STK32A: variants seen among roughly 807,000 people sequenced by gnomAD.
STK32A encodes serine/threonine-protein kinase 32A.
Under a neutral mutation model 53.2 loss-of-function variants are expected in STK32A, and 41 were observed. The observed-to-expected ratio is 0.77, with a 90% CI of 0.60 to 1.00. STK32A has a LOEUF of 1.00. Ranked by LOEUF, STK32A falls within the 50% of genes least tolerant of loss-of-function variation. The pLI is 0.00. For missense variants in STK32A, 458 were observed against 485.8 expected (o/e 0.94, Z 0.54); for synonymous variants, 166 against 162.8 (o/e 1.02, Z -0.15).
At chr5:147,291,270 C>G (rs1397386400) in intron 4 of STK32A, among the ~76,000 whole-genome samples, 5 of 152,060 alleles carry the variant, frequency 3.3e-5, no homozygotes, top group Admixed American at 3.3e-4. Context: ...GAACTTAGTC[C>G]TGCATTGCTA....
chr5:147,375,795 C>A (rs1447124766), intron 11 of STK32A: 2 of 152,212 alleles, frequency 1.3e-5, no homozygotes, highest in East Asian at 3.9e-4. Flanking sequence ...GTATATTATT[C>A]TCTGTCAGAG....
At chr5:147,375,316 T>C (rs1388980921) in intron 11 of STK32A, 98 bp downstream of exon 11, 10 of 1,448,434 alleles carry the variant, frequency 6.9e-6, no homozygotes, top group Non-Finnish European at 9.2e-6. Context: ...AGCTTCCTGC[T>C]TTTGCTGCTT....
At chr5:147,279,510 C>A in intron 4 of STK32A, 112 bp downstream of exon 4, 1 of 908,172 alleles carries the variant, frequency 1.1e-6, no homozygotes, top group Admixed American at 3.0e-5. Context: ...AGGCTCTTGA[C>A]ACAATTGCAA....
the STK32A span, chr5:147,397,899 T>A: frequency 7.1e-6 from 6 of 846,452 alleles, no homozygotes; most frequent in Non-Finnish European, 9.9e-6. Context: ...AAGAGGAACG[T>A]ACCTTCTCTC....
chr5:147,391,506 A>C (rs1353013153), downstream of STK32A: 1 of 152,538 alleles, frequency 6.6e-6, no homozygotes, highest in African/African-American at 2.4e-5. Context: ...GGGCAGGCCA[A>C]GGGATGAGAT....
At chr5:147,238,177 C>T (rs1753407502) in intron 1 of STK32A, among the ~76,000 whole-genome samples, 1 of 152,194 alleles carries the variant, frequency 6.6e-6, no homozygotes, top group Non-Finnish European at 1.5e-5. Context: ...AAATCTAGAC[C>T]TTTACCCCAT....
intron 4 of STK32A, 120 bp downstream of exon 4, chr5:147,279,518 C>A: frequency 2.4e-6 from 2 of 830,162 alleles, no homozygotes; most frequent in Non-Finnish European, 3.6e-6. Context: ...GACACAATTG[C>A]AAGAAAGAGT....
intron 7 of STK32A, among the ~76,000 whole-genome samples, chr5:147,359,580 T>C (rs964943644): frequency 1.9e-4 from 29 of 152,286 alleles, no homozygotes; most frequent in African/African-American, 6.7e-4. Flanking sequence ...AAGTTCTTTG[T>C]AGCTTCTCTG....
chr5:147,362,501 C>T (rs1444254501), intron 8 of STK32A, among the ~76,000 whole-genome samples: 2 of 152,196 alleles, frequency 1.3e-5, no homozygotes, highest in African/African-American at 2.4e-5. Context: ...TCAGAGGCTC[C>T]ATTTCCAAAT....
intron 2 of STK32A, among the ~76,000 whole-genome samples, chr5:147,269,869 C>A (rs183445619): frequency 6.6e-6 from 1 of 152,294 alleles, no homozygotes; most frequent in East Asian, 1.9e-4. Context: ...ACTCAATAAT[C>A]ACTATGGCGT....
chr5:147,310,159 T>C (rs1288780620), intron 4 of STK32A, among the ~76,000 whole-genome samples: 5 of 152,192 alleles, frequency 3.3e-5, no homozygotes, highest in African/African-American at 4.8e-5. Flanking sequence ...TAGAGAATAG[T>C]AGAGCCCCTG....
At chr5:147,394,121 T>C in the STK32A span, 17 of 1,613,374 alleles carry the variant, frequency 1.1e-5, 1 homozygote, top group East Asian at 3.8e-4. Flanking sequence ...TCCACTTGGG[T>C]GCCTACAGTT....
chr5:147,238,341 T>A (rs1753413868), intron 1 of STK32A, among the ~76,000 whole-genome samples: 1 of 152,170 alleles, frequency 6.6e-6, no homozygotes, highest in Admixed American at 6.5e-5. Flanking sequence ...CTCATTTGCA[T>A]CATCTGCCTG....
intron 5 of STK32A, among the ~76,000 whole-genome samples, chr5:147,337,187 T>A (rs57872026): frequency 6.6e-6 from 1 of 152,142 alleles, no homozygotes; most frequent in African/African-American, 2.4e-5. Context: ...TTCTCACAGC[T>A]GGAATCAGCT....
intron 7 of STK32A, among the ~76,000 whole-genome samples, chr5:147,360,858 T>G (rs1756473624): frequency 6.6e-6 from 1 of 152,222 alleles, no homozygotes; most frequent in Admixed American, 6.5e-5. Context: ...TCAAAGTGCT[T>G]AGAGAATGCA....
At chr5:147,358,113 T>C (rs1006426943) in intron 7 of STK32A, among the ~76,000 whole-genome samples, 1 of 152,072 alleles carries the variant, frequency 6.6e-6, no homozygotes, top group Non-Finnish European at 1.5e-5. Flanking sequence ...CTGACCAAAA[T>C]TTAATACCCA....
intron 4 of STK32A, among the ~76,000 whole-genome samples, chr5:147,313,781 AT>A (rs896652314): frequency 2.0e-5 from 3 of 152,226 alleles, no homozygotes; most frequent in African/African-American, 7.2e-5. Flanking sequence ...TTTCCAGTCA[AT>A]TGACTTTTAA....
chr5:147,341,791 G>T (rs1395456104), intron 5 of STK32A, among the ~76,000 whole-genome samples: 1 of 152,064 alleles, frequency 6.6e-6, no homozygotes, highest in African/African-American at 2.4e-5. Flanking sequence ...TTATATACCA[G>T]AAATTTGCTA....
intron 2 of STK32A, among the ~76,000 whole-genome samples, chr5:147,266,441 C>T (rs1025919124): frequency 8.5e-5 from 13 of 152,066 alleles, no homozygotes; most frequent in Admixed American, 6.5e-4. Flanking sequence ...TTAGAAGGTA[C>T]ATATTATAAA....
Sources: allele counts gnomAD v4.1 joint callset (sites outside exome capture counted in the v4.1 genomes callset), GRCh38; gene constraint gnomAD v4.1.1; transcripts MANE v1.5; gene names NCBI Gene and HGNC (gene_info 2026-07-23, HGNC 2026-07-21).